Variants in OSBPL6 observed in about 807,000 individuals in gnomAD.
OSBPL6 encodes the protein oxysterol binding protein like 6, also known as oxysterol-binding protein-related protein 6.
OSBPL6 carries 49 observed loss-of-function variants against 125.8 expected under a neutral mutation model. The ratio of observed to expected loss-of-function variants is 0.39; its 90% CI spans 0.31 to 0.49. The LOEUF is 0.49. Ranked by LOEUF, OSBPL6 falls within the 20% of genes least tolerant of loss-of-function variation. The probability of loss-of-function intolerance (pLI) is 0.88; values close to 1 mark genes in which losing one functional copy is unlikely to be tolerated. For synonymous variants in OSBPL6, 394 were observed against 391.8 expected (o/e 1.01, Z -0.07); for missense variants, 986 against 1,135.4 (o/e 0.87, Z 1.89).
chr2:178,351,722 A>G (rs1559281382), intron 12 of OSBPL6, among the ~76,000 whole-genome samples: 2 of 152,246 alleles, frequency 1.3e-5, no homozygotes, highest in Admixed American at 1.3e-4. Flanking sequence ...TATTATCCTC[A>G]GCAAACTGAC....
chr2:178,336,574 GTTC>G, intron 9 of OSBPL6, 141 bp downstream of exon 9: 1 of 983,108 alleles, frequency 1.0e-6, no homozygotes. Context: ...TCTCCCCCTT[GTTC>G]TTATTTTTAT....
At chr2:178,374,469 G>A (rs1481093663) in intron 15 of OSBPL6, among the ~76,000 whole-genome samples, 1 of 152,234 alleles carries the variant, frequency 6.6e-6, no homozygotes, top group African/African-American at 2.4e-5. Context: ...AGGATAATGT[G>A]TAGCACATAG....
At chr2:178,355,249 A>G (rs1157662475) in intron 12 of OSBPL6, among the ~76,000 whole-genome samples, 1 of 152,008 alleles carries the variant, frequency 6.6e-6, no homozygotes, top group Non-Finnish European at 1.5e-5. Flanking sequence ...TGCAGAACTG[A>G]AAGAGATAGA....
At chr2:178,262,522 C>T (rs1013546999) in intron 1 of OSBPL6, among the ~76,000 whole-genome samples, 2 of 151,984 alleles carry the variant, frequency 1.3e-5, no homozygotes. Flanking sequence ...ATAAATGATA[C>T]CAGAAGTGTC....
chr2:178,374,691 T>C (rs1693705608), intron 15 of OSBPL6, among the ~76,000 whole-genome samples: 1 of 152,226 alleles, frequency 6.6e-6, no homozygotes, highest in Non-Finnish European at 1.5e-5. Context: ...CAAAGCTGAT[T>C]AGGAATTTTG....
At chr2:178,198,168 T>A (rs2089016443) in intron 1 of OSBPL6, among the ~76,000 whole-genome samples, 1 of 152,164 alleles carries the variant, frequency 6.6e-6, no homozygotes, top group Admixed American at 6.5e-5. Flanking sequence ...CTGATTGAGA[T>A]GAGAGTTCTC....
chr2:178,385,484 C>T lies in OSBPL6; in HGVS notation c.2040C>T (p.Ala680=). The change falls in exon 19 of 25, where the codon GCC becomes GCT. Residue 680 remains alanine, a synonymous_variant. Coordinates refer to ENST00000190611, the MANE Select transcript of OSBPL6 (RefSeq NM_032523.4). ...TTAGCCATCATCCACCCATTTCTGC[C>T]TGTCACTGTGAATCAAAGAATTTTG... is the stretch of plus-strand genomic sequence containing the variant. ...EQVSHHPPIS[A]CHCESKNFVF... 6.2e-7 allele frequency: 1 copy of T among 1,611,736 alleles called. No individual in the cohort carries two copies. The highest frequency in any genetic ancestry group is 1.1e-5 in the South Asian group (1 of 90,988).
At position 178,353,642 on chromosome 2, in the gene OSBPL6, G is replaced by A. The variant is rs1478478484; in HGVS notation, c.1153+4253G>A. ...TTGATAGGTTTACCTAAAAGTGATG[G>A]GGTAATTGAACCAAGTTGGAAAACA... On this transcript the variant is annotated intron_variant, in intron 12 of 24. Transcript: ENST00000190611. Among the ~76,000 whole-genome samples the A allele has an allele frequency of 2.6e-5, 4 of 152,320 alleles. No homozygotes were observed. The East Asian group carries it at 5.8e-4, about 22-fold the overall frequency.
chr2:178,300,585 C>T (rs192940468), intron 2 of OSBPL6, among the ~76,000 whole-genome samples: 50 of 152,272 alleles, frequency 3.3e-4, no homozygotes, highest in African/African-American at 8.7e-4. Context: ...CTCAGCCTCC[C>T]GAATAGCCGG....
intron 15 of OSBPL6, among the ~76,000 whole-genome samples, chr2:178,381,146 G>T (rs1165544617): frequency 1.1e-4 from 16 of 152,190 alleles, no homozygotes; most frequent in Admixed American, 1.0e-3. Flanking sequence ...CTGTGGGAAA[G>T]TCATTAGTTT....
chr2:178,285,682 T>G (rs1684635500), intron 2 of OSBPL6, among the ~76,000 whole-genome samples: 1 of 152,356 alleles, frequency 6.6e-6, no homozygotes, highest in African/African-American at 2.4e-5. Context: ...TATAACTATT[T>G]GATATCTTAG....
intron 14 of OSBPL6, 96 bp from the exon 15 acceptor site, chr2:178,373,794 A>G (rs555293905): frequency 2.1e-6 from 3 of 1,440,698 alleles, no homozygotes; most frequent in Non-Finnish European, 1.9e-6. Flanking sequence ...ACTTTTTAAC[A>G]TACAGTATTA....
intron 1 of OSBPL6, among the ~76,000 whole-genome samples, chr2:178,254,515 A>G (rs2091816006): frequency 6.6e-6 from 1 of 152,238 alleles, no homozygotes; most frequent in Admixed American, 6.5e-5. Context: ...AATGTCAGAA[A>G]AGGAATTATT....
chr2:178,349,450 T>C (rs1490148639), intron 12 of OSBPL6, 61 bp downstream of exon 12: 1 of 1,543,754 alleles, frequency 6.5e-7, no homozygotes, highest in African/African-American at 1.4e-5. Context: ...AGATTATCCT[T>C]TGTTCTTTTA....
At chr2:178,344,307 C>A (rs544083169) in intron 11 of OSBPL6, 1 of 1,614,134 alleles carries the variant, frequency 6.2e-7, no homozygotes, top group Admixed American at 1.7e-5. Flanking sequence ...CGCGAAGGGC[C>A]AGTTCAGCAC....
chr2:178,364,949 T>C (rs2154100473), intron 13 of OSBPL6, among the ~76,000 whole-genome samples: 1 of 151,998 alleles, frequency 6.6e-6, no homozygotes, highest in South Asian at 2.1e-4. Flanking sequence ...GAGGCCGAGG[T>C]GGGTGGATCA....
chr2:178,336,446 CCA>C lies in OSBPL6; in HGVS notation c.790+14_790+15del, dbSNP rs1180954709. ...AGGTGTGCAGAAGGTTAGTTCTTGC[CCA>C]GTGTGGCCTGAGAGTAAGCCAAAAC... On this transcript the variant is annotated intron_variant, in intron 9 of 24. Transcript: ENST00000190611. 6.2e-7 allele frequency: 1 copy of C among 1,612,318 alleles called. No individual in the cohort carries two copies. Among genetic ancestry groups the C allele is most frequent in the Admixed American group, 1.7e-5 (1 of 59,684 alleles).
intron 6 of OSBPL6, among the ~76,000 whole-genome samples, chr2:178,331,895 T>A (rs761087844): frequency 1.1e-4 from 17 of 152,206 alleles, no homozygotes; most frequent in Non-Finnish European, 2.4e-4. Flanking sequence ...TGGGCTTTTT[T>A]CCTCCATCTT....
intron 1 of OSBPL6, chr2:178,230,587 T>G (rs936957206): frequency 2.6e-5 from 4 of 152,174 alleles, no homozygotes; most frequent in Admixed American, 1.3e-4. Flanking sequence ...TCTGACCAAC[T>G]TCTTTAATGC....
Sources: gnomAD v4.1 joint callset for allele counts (sites outside exome capture counted in the v4.1 genomes callset) on GRCh38, gnomAD v4.1.1 for gene constraint, MANE v1.5 for transcripts, NCBI Gene and HGNC (gene_info 2026-07-23, HGNC 2026-07-21) for gene names.